CSNK2A2IP: variants seen among roughly 807,000 people sequenced by gnomAD.
CSNK2A2IP encodes casein kinase II subunit alpha'-interacting protein.
the CSNK2A2IP span, among the ~76,000 whole-genome samples, chr3:88,347,831 ATTTATTAGGAAGTTGAAATACAGAG>A: frequency 6.6e-6 from 1 of 151,966 alleles, no homozygotes; most frequent in East Asian, 1.9e-4. Context: ...AAAATTTAGA[ATTTATTAGGAAGTTGAAATACAGAG>A]TTTATTAGGA....
chr3:88,406,580 G>C, the CSNK2A2IP span, among the ~76,000 whole-genome samples: 1 of 152,234 alleles, frequency 6.6e-6, no homozygotes, highest in East Asian at 1.9e-4. Flanking sequence ...TCAGCTAAAG[G>C]GTATAACACT....
At chr3:88,413,777 G>A in the CSNK2A2IP span, among the ~76,000 whole-genome samples, 1 of 151,870 alleles carries the variant, frequency 6.6e-6, no homozygotes, top group Non-Finnish European at 1.5e-5. Context: ...TTATGTATAT[G>A]TGGCATGGGG....
At chr3:88,349,746 G>T in the CSNK2A2IP span, among the ~76,000 whole-genome samples, 1 of 151,936 alleles carries the variant, frequency 6.6e-6, no homozygotes, top group East Asian at 1.9e-4. Flanking sequence ...TTTATGTTTC[G>T]ACCAGAAGTG....
the CSNK2A2IP span, among the ~76,000 whole-genome samples, chr3:88,414,334 G>C: frequency 8.3e-6 from 1 of 120,500 alleles, no homozygotes; most frequent in Admixed American, 1.1e-4. Flanking sequence ...CCAGGCTGGA[G>C]TGAAAAGCCT....
At chr3:88,435,082 G>A in the CSNK2A2IP span, among the ~76,000 whole-genome samples, 2 of 152,118 alleles carry the variant, frequency 1.3e-5, no homozygotes, top group African/African-American at 4.8e-5. Context: ...GAGTTCCCAT[G>A]AGAAAGCAAA....
chr3:88,453,769 A>C, the CSNK2A2IP span, among the ~76,000 whole-genome samples: 2 of 152,072 alleles, frequency 1.3e-5, no homozygotes, highest in Non-Finnish European at 2.9e-5. Flanking sequence ...ACTTGACTGC[A>C]GATGGGATTT....
chr3:88,453,478 T>C, the CSNK2A2IP span, among the ~76,000 whole-genome samples: 1 of 152,146 alleles, frequency 6.6e-6, no homozygotes, highest in Non-Finnish European at 1.5e-5. Context: ...TGAACATATA[T>C]AAATACTAAA....
chr3:88,411,083 T>C, the CSNK2A2IP span, among the ~76,000 whole-genome samples: 1 of 151,980 alleles, frequency 6.6e-6, no homozygotes, highest in Non-Finnish European at 1.5e-5. Context: ...GAATTTTATA[T>C]TAGTCATTGT....
chr3:88,387,501 C>T, the CSNK2A2IP span, among the ~76,000 whole-genome samples: 6 of 152,128 alleles, frequency 3.9e-5, no homozygotes, highest in East Asian at 5.8e-4. Context: ...ATCTTCCTTA[C>T]AGTTATGTGC....
chr3:88,463,010 T>C, the CSNK2A2IP span, among the ~76,000 whole-genome samples: 4 of 152,226 alleles, frequency 2.6e-5, no homozygotes, highest in Admixed American at 2.6e-4. Context: ...ACTTTAAAAA[T>C]AAATGCAAAG....
the CSNK2A2IP span, among the ~76,000 whole-genome samples, chr3:88,449,750 A>AT: frequency 9.7e-6 from 1 of 103,356 alleles, no homozygotes; most frequent in African/African-American, 3.1e-5. Flanking sequence ...TTCCAAATAT[A>AT]CCTTTTTTCT....
At chr3:88,366,186 A>G in the CSNK2A2IP span, among the ~76,000 whole-genome samples, 2 of 152,290 alleles carry the variant, frequency 1.3e-5, no homozygotes, top group African/African-American at 4.8e-5. Flanking sequence ...TTGAGGTCCC[A>G]CAGACCTACA....
At chr3:88,413,395 A>G in the CSNK2A2IP span, among the ~76,000 whole-genome samples, 1 of 112,822 alleles carries the variant, frequency 8.9e-6, no homozygotes, top group Non-Finnish European at 2.2e-5. Flanking sequence ...TTGAATCTTG[A>G]AAAAACATTT....
the CSNK2A2IP span, among the ~76,000 whole-genome samples, chr3:88,347,027 T>C: frequency 6.4e-4 from 97 of 151,980 alleles, no homozygotes; most frequent in Non-Finnish European, 1.1e-3. Flanking sequence ...CCAACCCGCA[T>C]TGAGAAATTC....
At chr3:88,372,597 A>G in the CSNK2A2IP span, among the ~76,000 whole-genome samples, 1 of 151,322 alleles carries the variant, frequency 6.6e-6, no homozygotes, top group South Asian at 2.1e-4. Context: ...GCAAATGATG[A>G]ATAGCAAAAT....
the CSNK2A2IP span, among the ~76,000 whole-genome samples, chr3:88,393,676 T>C: frequency 3.3e-5 from 5 of 152,344 alleles, no homozygotes. Context: ...AAGTTTTATG[T>C]GATTGCTTCG....
At chr3:88,432,789 ATAAT>A in the CSNK2A2IP span, among the ~76,000 whole-genome samples, 3 of 150,606 alleles carry the variant, frequency 2.0e-5, no homozygotes, top group Admixed American at 6.6e-5. Context: ...TGATATTAAA[ATAAT>A]TAATTGCTTT....
At chr3:88,392,658 G>C in the CSNK2A2IP span, among the ~76,000 whole-genome samples, 3 of 152,158 alleles carry the variant, frequency 2.0e-5, no homozygotes, top group African/African-American at 7.2e-5. Context: ...AGACATTAGT[G>C]ACTTTGATAA....
chr3:88,416,100 G>A, the CSNK2A2IP span, among the ~76,000 whole-genome samples: 1 of 151,510 alleles, frequency 6.6e-6, no homozygotes, highest in East Asian at 1.9e-4. Context: ...GTGAAATCCC[G>A]TCTCTACTAA....
Sources: allele counts gnomAD v4.1 joint callset (sites outside exome capture counted in the v4.1 genomes callset), GRCh38; gene constraint gnomAD v4.1.1; transcripts MANE v1.5; gene names NCBI Gene and HGNC (gene_info 2026-07-23, HGNC 2026-07-21).